TMEM114: variants seen among roughly 807,000 people sequenced by gnomAD.
TMEM114 encodes the protein transmembrane protein 114.
Under a neutral mutation model 6.2 loss-of-function variants are expected in TMEM114, and 6 were observed. That is an observed-to-expected ratio of 0.97 (90% confidence interval 0.53 to 1.91). The LOEUF is 1.91. TMEM114 is among the 40% of genes most tolerant of loss of function. TMEM114 has a pLI of 0.01. For missense variants in TMEM114, 218 were observed against 158.3 expected (o/e 1.38, Z -2.02); for synonymous variants, 104 against 73.0 (o/e 1.42, Z -2.16).
chr16:8,569,861 C>G lies in TMEM114; in HGVS notation c.584G>C (p.Ser195Thr). 5.2e-6 allele frequency: 8 copies of G among 1,551,104 alleles called. No homozygotes were observed. Among genetic ancestry groups the G allele is most frequent in the Non-Finnish European group, 7.0e-6 (8 of 1,146,956 alleles). The stretch of plus-strand genomic sequence containing the variant: ...CCCGGTGAGCAGCTCGGCGATGAAG[C>G]TGATCCAGCCCAGGGCCAGGGACCA... ...FGWSLALGWI[S>T]FIAELLTGAA... is the part of the protein sequence containing the mutation. The change falls in exon 4 of 4, where the codon AGC (serine) becomes ACC (threonine). Residue 195 changes from serine (S) to threonine (T), a missense_variant. By Grantham distance (58) the Ser-to-Thr change is moderately conservative. Transcript: ENST00000620492.
chr16:8,529,200 A>G, the TMEM114 span, among the ~76,000 whole-genome samples: 1 of 152,200 alleles, frequency 6.6e-6, no homozygotes, highest in South Asian at 2.1e-4. Context: ...CTAGACTTGG[A>G]TGAAGGTTAT....
intron 2 of TMEM114, among the ~76,000 whole-genome samples, chr16:8,540,568 A>G (rs1900487513): frequency 6.6e-6 from 1 of 151,776 alleles, no homozygotes; most frequent in South Asian, 2.1e-4. Flanking sequence ...TGAAAGATAC[A>G]GAAAAAGACA....
At chr16:8,582,459 C>T (rs1255742922) in intron 2 of TMEM114, among the ~76,000 whole-genome samples, 1 of 152,230 alleles carries the variant, frequency 6.6e-6, no homozygotes, top group Non-Finnish European at 1.5e-5. Context: ...CTGAAAGAGG[C>T]AATGTTGGAT....
chr16:8,548,691 C>G (rs1393784146), intron 2 of TMEM114, among the ~76,000 whole-genome samples: 2 of 101,476 alleles, frequency 2.0e-5, no homozygotes, highest in South Asian at 2.8e-4. Context: ...TAAAAATTGC[C>G]ATGTATATAT....
chr16:8,556,496 G>A (rs181769773), intron 2 of TMEM114, among the ~76,000 whole-genome samples: 9 of 147,512 alleles, frequency 6.1e-5, no homozygotes, highest in African/African-American at 1.6e-4. Context: ...TTTATTTGTC[G>A]TTGTTGTTGT....
chr16:8,538,294 T>TAA (rs368839895), intron 2 of TMEM114, among the ~76,000 whole-genome samples: 5 of 138,646 alleles, frequency 3.6e-5, no homozygotes, highest in African/African-American at 1.1e-4. Context: ...GTCTCAAAAA[T>TAA]AAAAAAAAAA....
intron 1 of TMEM114, 110 bp from the exon 2 acceptor site, chr16:8,589,403 G>T (rs910850455): frequency 8.0e-5 from 32 of 398,364 alleles, no homozygotes; most frequent in African/African-American, 5.8e-4. Context: ...CGGGGAGGGC[G>T]CGGGGAGAGC....
downstream of TMEM114, chr16:8,537,528 A>AAT (rs764940296): frequency 1.2e-4 from 18 of 152,146 alleles, 1 homozygote; most frequent in Non-Finnish European, 2.1e-4. Context: ...CAAAAAAACA[A>AAT]ATATATATTT....
rs1481311518 is a variant in TMEM114, at chr16:8,569,654, G to C, written c.*119C>G. ...CCGCGGGGATTTGTGGGGGAAGGAG[G>C]GGGGTGCCTGGCCTCCCCGAGTGGC... is the stretch of plus-strand genomic sequence containing the variant. On this transcript the variant is annotated 3_prime_UTR_variant, in exon 4 of 4. Coordinates refer to ENST00000620492, the MANE Select transcript of TMEM114 (RefSeq NM_001146336.2). 2 of 1,441,250 alleles carry C rather than the reference G, an allele frequency of 1.4e-6. No homozygotes were observed. Among genetic ancestry groups the C allele is most frequent in the African/African-American group, 1.4e-5 (1 of 69,968 alleles). 89.3% of individuals were successfully genotyped at this position (1,441,250 alleles called of 1,614,324 possible).
At chr16:8,529,245 G>A in the TMEM114 span, among the ~76,000 whole-genome samples, 21 of 152,284 alleles carry the variant, frequency 1.4e-4, no homozygotes, top group African/African-American at 4.8e-4. Context: ...CTCAAGGCTA[G>A]GATTATGTGT....
intron 2 of TMEM114, among the ~76,000 whole-genome samples, chr16:8,572,979 G>C (rs976206355): frequency 1.3e-5 from 2 of 152,184 alleles, no homozygotes; most frequent in African/African-American, 4.8e-5. Context: ...TTCTCCCAAG[G>C]CTGGCTTCAC....
At chr16:8,540,045 C>T (rs1399718298) in intron 2 of TMEM114, among the ~76,000 whole-genome samples, 2 of 152,032 alleles carry the variant, frequency 1.3e-5, no homozygotes, top group Admixed American at 6.5e-5. Context: ...CTTGAACTCT[C>T]GACCTCAGCC....
intron 2 of TMEM114, among the ~76,000 whole-genome samples, chr16:8,578,282 T>G (rs1902010363): frequency 6.6e-6 from 1 of 152,048 alleles, no homozygotes; most frequent in African/African-American, 2.4e-5. Context: ...AATCAAGATA[T>G]CAATGGGACT....
intron 2 of TMEM114, among the ~76,000 whole-genome samples, chr16:8,542,354 C>G (rs1017806545): frequency 1.3e-5 from 2 of 152,172 alleles, no homozygotes; most frequent in African/African-American, 2.4e-5. Flanking sequence ...CCAATTCCAT[C>G]TATTTCACAT....
intron 2 of TMEM114, among the ~76,000 whole-genome samples, chr16:8,577,388 G>A (rs1328015792): frequency 6.6e-6 from 1 of 152,086 alleles, no homozygotes; most frequent in Non-Finnish European, 1.5e-5. Flanking sequence ...CCCTGTTGAT[G>A]TTCTTGGGAG....
At chr16:8,553,341 C>T (rs908808592) in intron 2 of TMEM114, among the ~76,000 whole-genome samples, 7 of 152,162 alleles carry the variant, frequency 4.6e-5, no homozygotes, top group African/African-American at 1.4e-4. Flanking sequence ...AGAAGTCTTT[C>T]AGGAGAACGA....
intron 2 of TMEM114, among the ~76,000 whole-genome samples, chr16:8,551,445 TA>T (rs1395037368): frequency 3.3e-5 from 5 of 152,086 alleles, no homozygotes; most frequent in Non-Finnish European, 5.9e-5. Flanking sequence ...TATTTAACAT[TA>T]AAAAACAAAG....
chr16:8,550,293 A>C (rs976775611), intron 2 of TMEM114, among the ~76,000 whole-genome samples: 1 of 152,234 alleles, frequency 6.6e-6, no homozygotes, highest in African/African-American at 2.4e-5. Context: ...ATCCAGAAAC[A>C]ATACTTTGCA....
intron 2 of TMEM114, among the ~76,000 whole-genome samples, chr16:8,575,597 A>T (rs1901893817): frequency 6.6e-6 from 1 of 152,196 alleles, no homozygotes; most frequent in South Asian, 2.1e-4. Context: ...TTCCAATGTC[A>T]GCCCTATCAC....
Sources: gnomAD v4.1 joint callset for allele counts (sites outside exome capture counted in the v4.1 genomes callset) on GRCh38, gnomAD v4.1.1 for gene constraint, MANE v1.5 for transcripts, NCBI Gene and HGNC (gene_info 2026-07-23, HGNC 2026-07-21) for gene names.